MECOM: variants seen among roughly 807,000 people sequenced by gnomAD.
MECOM encodes the protein MDS1 and EVI1 complex locus.
A neutral mutation model predicts 116.3 loss-of-function variants in MECOM; 13 were observed. That is an observed-to-expected ratio of 0.11 (90% CI 0.07 to 0.18). The LOEUF is 0.18. Among genes scored for constraint, MECOM ranks in the 10% least tolerant of loss-of-function variants. MECOM has a pLI of 1.00. For missense variants in MECOM, 1,299 were observed against 1,509.0 expected, an observed-to-expected ratio of 0.86 and a Z score of 2.31; for synonymous variants, 528 against 535.2, an observed-to-expected ratio of 0.99 and a Z score of 0.19.
intron 1 of MECOM, among the ~76,000 whole-genome samples, chr3:169,647,234 C>A (rs1157481856): frequency 1.3e-5 from 2 of 152,146 alleles, no homozygotes; most frequent in East Asian, 3.9e-4. Context: ...AGCTGAGAGG[C>A]CTGGAGCAAA....
chr3:169,278,696 G>C (rs1019847701), intron 2 of MECOM, among the ~76,000 whole-genome samples: 5 of 152,212 alleles, frequency 3.3e-5, no homozygotes, highest in African/African-American at 1.2e-4. Context: ...TAAGGAAAAG[G>C]TAGAGCTGAA....
intron 2 of MECOM, among the ~76,000 whole-genome samples, chr3:169,238,740 T>A (rs983426249): frequency 5.3e-5 from 8 of 152,168 alleles, no homozygotes; most frequent in Non-Finnish European, 8.8e-5. Context: ...AGATCTCTTA[T>A]AGAATTCAAC....
intron 1 of MECOM, among the ~76,000 whole-genome samples, chr3:169,410,349 C>T (rs941217749): frequency 1.3e-5 from 2 of 152,188 alleles, no homozygotes; most frequent in African/African-American, 4.8e-5. Flanking sequence ...TCAGCTATCC[C>T]TTCTTGGATG....
chr3:169,126,692 G>GA (rs1732986205), intron 5 of MECOM, among the ~76,000 whole-genome samples: 1 of 152,014 alleles, frequency 6.6e-6, no homozygotes, highest in African/African-American at 2.4e-5. Context: ...CTTCTCAACA[G>GA]AAAGGATTAT....
chr3:169,597,779 C>A (rs1239066186), intron 1 of MECOM, among the ~76,000 whole-genome samples: 1 of 151,994 alleles, frequency 6.6e-6, no homozygotes, highest in Non-Finnish European at 1.5e-5. Context: ...GAGGGAGTAT[C>A]AACACACAAG....
chr3:169,131,032 A>C (rs1473468369), intron 4 of MECOM, among the ~76,000 whole-genome samples: 1 of 152,140 alleles, frequency 6.6e-6, no homozygotes, highest in Non-Finnish European at 1.5e-5. Flanking sequence ...CCTGCAGTAG[A>C]AACACTTTTC....
At chr3:169,438,740 T>C (rs1021783718) in intron 1 of MECOM, among the ~76,000 whole-genome samples, 1 of 152,190 alleles carries the variant, frequency 6.6e-6, no homozygotes, top group Non-Finnish European at 1.5e-5. Flanking sequence ...ATGTTTCAGG[T>C]ACTATCGGGT....
At chr3:169,292,554 A>G (rs1560096434) in intron 2 of MECOM, among the ~76,000 whole-genome samples, 2 of 152,106 alleles carry the variant, frequency 1.3e-5, no homozygotes, top group South Asian at 4.1e-4. Context: ...GATGCAAGAT[A>G]TCTGTTATCT....
chr3:169,475,814 T>C lies in MECOM; in HGVS notation c.38-94290A>G, dbSNP rs186387103. On this transcript the variant is annotated intron_variant, in intron 1 of 16. Transcript: ENST00000651503. ...CCAATAACAAAAACGACAAAGGTAT[T>C]TTGAAACATCAGTTGCTGCTAGTTA... Among the ~76,000 whole-genome samples the C allele has an allele frequency of 1.7e-3, 262 of 152,270 alleles. 2 individuals carry two copies. Among genetic ancestry groups the C allele is most frequent in the African/African-American group, 6.1e-3 (255 of 41,564 alleles).
chr3:169,566,740 T>C (rs902056781), intron 1 of MECOM, among the ~76,000 whole-genome samples: 2 of 152,126 alleles, frequency 1.3e-5, no homozygotes, highest in Non-Finnish European at 2.9e-5. Flanking sequence ...TCTTCCCAGA[T>C]CCCAATAGAA....
At chr3:169,273,596 G>A (rs1300815837) in intron 2 of MECOM, among the ~76,000 whole-genome samples, 1 of 152,176 alleles carries the variant, frequency 6.6e-6, no homozygotes, top group Non-Finnish European at 1.5e-5. Flanking sequence ...AGAAGGGCTT[G>A]GGAATGCTAC....
chr3:169,097,269 A>T (rs561257453), intron 12 of MECOM, among the ~76,000 whole-genome samples: 1 of 152,054 alleles, frequency 6.6e-6, no homozygotes, highest in Non-Finnish European at 1.5e-5. Flanking sequence ...CATCTTCTCA[A>T]ATCTAAATAA....
At chr3:169,295,969 T>G (rs1715519124) in intron 2 of MECOM, among the ~76,000 whole-genome samples, 1 of 152,238 alleles carries the variant, frequency 6.6e-6, no homozygotes, top group South Asian at 2.1e-4. Flanking sequence ...CATACAACAG[T>G]AACATATTGG....
intron 1 of MECOM, among the ~76,000 whole-genome samples, chr3:169,598,225 G>T (rs1767371254): frequency 6.6e-6 from 1 of 152,116 alleles, no homozygotes; most frequent in Non-Finnish European, 1.5e-5. Context: ...GTGTTTAAAG[G>T]TATCCAATAA....
At chr3:169,370,137 T>C (rs1009974850) in intron 2 of MECOM, among the ~76,000 whole-genome samples, 1 of 151,926 alleles carries the variant, frequency 6.6e-6, no homozygotes, top group Non-Finnish European at 1.5e-5. Context: ...AATACTGTTA[T>C]TCAAAGACAT....
At chr3:169,425,106 C>CCCT (rs1553849479) in intron 1 of MECOM, among the ~76,000 whole-genome samples, 22 of 150,778 alleles carry the variant, frequency 1.5e-4, no homozygotes, top group African/African-American at 5.4e-4. Flanking sequence ...GAAACCCCCC[C>CCCT]CCACTTGCAT....
intron 1 of MECOM, among the ~76,000 whole-genome samples, chr3:169,481,682 G>C (rs2108853831): frequency 6.6e-6 from 1 of 151,966 alleles, no homozygotes; most frequent in East Asian, 1.9e-4. Context: ...GTGTGTGTGT[G>C]TGTGTCCTCA....
intron 1 of MECOM, among the ~76,000 whole-genome samples, chr3:169,560,358 G>A (rs1351096568): frequency 6.6e-6 from 1 of 152,076 alleles, no homozygotes; most frequent in South Asian, 2.1e-4. Context: ...AGGTGACTTA[G>A]ATACTTAGAC....
chr3:169,282,645 G>A (rs1243736658), intron 2 of MECOM, among the ~76,000 whole-genome samples: 1 of 152,018 alleles, frequency 6.6e-6, no homozygotes, highest in East Asian at 1.9e-4. Context: ...ACAGTAAAAG[G>A]CCAAACAAGA....
Sources: gnomAD v4.1 joint callset for allele counts (sites outside exome capture counted in the v4.1 genomes callset) on GRCh38, gnomAD v4.1.1 for gene constraint, MANE v1.5 for transcripts, NCBI Gene and HGNC (gene_info 2026-07-23, HGNC 2026-07-21) for gene names.